The following SVIL variants were observed in gnomAD, a reference collection of about 807,000 sequenced individuals.
SVIL encodes archvillin.
In SVIL, 101 loss-of-function variants were observed where a neutral mutation model predicts 240.4. The ratio of observed to expected loss-of-function variants is 0.42; its 90% confidence interval spans 0.36 to 0.50. The LOEUF is 0.50. SVIL is among the 20% of genes least tolerant of loss of function. The pLI is 0.01. For synonymous variants in SVIL, 999 were observed against 1,100.0 expected (o/e 0.91, Z 1.82); for missense variants, 2,512 against 2,818.7 (o/e 0.89, Z 2.46).
At chr10:29,709,627 C>T (rs1403612231) in intron 1 of SVIL, among the ~76,000 whole-genome samples, 4 of 152,166 alleles carry the variant, frequency 2.6e-5, no homozygotes, top group Non-Finnish European at 5.9e-5. Flanking sequence ...CAGCTTGTGC[C>T]TGCAGCAGCT....
At chr10:29,731,118 T>C (rs754212853) in intron 1 of SVIL, among the ~76,000 whole-genome samples, 16 of 152,242 alleles carry the variant, frequency 1.1e-4, no homozygotes, top group Non-Finnish European at 1.8e-4. Context: ...TGAGCTGACA[T>C]GATTACAACA....
At chr10:29,717,976 T>A (rs1018489623) in intron 1 of SVIL, among the ~76,000 whole-genome samples, 5 of 152,206 alleles carry the variant, frequency 3.3e-5, no homozygotes, top group Non-Finnish European at 5.9e-5. Flanking sequence ...ATTGATTACA[T>A]GTTGAAATAA....
At chr10:29,731,961 C>G (rs905464669) in intron 1 of SVIL, among the ~76,000 whole-genome samples, 1 of 152,264 alleles carries the variant, frequency 6.6e-6, no homozygotes, top group Non-Finnish European at 1.5e-5. Context: ...GCCTGTTCAT[C>G]TTCCGTACAA....
Position 29,588,222 on chromosome 10 carries a change from G to C in SVIL, c.-200-18910C>G, listed in dbSNP as rs1956246564. 2.0e-5 allele frequency among the ~76,000 whole-genome samples: 3 copies of C among 151,784 alleles called. No individual in the cohort carries two copies. The South Asian group carries it at 6.3e-4, about 32-fold the overall frequency. ...ACAGCAAAATTAGGAAGGGGTCAAG[G>C]AGCATGAGATAGCAATACCGTGGAG... On this transcript the variant is annotated intron_variant, in intron 1 of 37. Transcript: ENST00000355867.
chr10:29,728,057 A>T (rs1427820496), intron 1 of SVIL, among the ~76,000 whole-genome samples: 1 of 152,228 alleles, frequency 6.6e-6, no homozygotes, highest in African/African-American at 2.4e-5. Flanking sequence ...ACAGAGGATC[A>T]TAAGTAGAAA....
At chr10:29,505,080 T>C (rs1283630648) in intron 17 of SVIL, among the ~76,000 whole-genome samples, 4 of 152,198 alleles carry the variant, frequency 2.6e-5, no homozygotes, top group Non-Finnish European at 5.9e-5. Flanking sequence ...CCCAACACTC[T>C]GAGAGGCTGA....
Position 29,494,863 on chromosome 10 carries a change from A to G in SVIL, c.3841+51T>C, listed in dbSNP as rs542359637. On this transcript the variant is annotated intron_variant, in intron 20 of 37. Coordinates refer to ENST00000355867, the MANE Select transcript of SVIL (RefSeq NM_021738.3). ...TGGCTGAGGAAGAAAAGCAATCAGA[A>G]TTAGGATTTAGAGATTCTGAGAGCA... The G allele has an allele frequency of 3.3e-5, 51 of 1,561,548 alleles. No homozygotes were observed. In the East Asian group the frequency reaches 1.1e-3, roughly 34 times the overall value.
At chr10:29,534,152 G>T (rs1951576364) in intron 7 of SVIL, among the ~76,000 whole-genome samples, 1 of 152,158 alleles carries the variant, frequency 6.6e-6, no homozygotes, top group South Asian at 2.1e-4. Flanking sequence ...CTAATGAAGT[G>T]AACATTTCCC....
intron 1 of SVIL, among the ~76,000 whole-genome samples, chr10:29,569,896 C>T (rs1449564376): frequency 1.3e-5 from 2 of 152,192 alleles, no homozygotes; most frequent in African/African-American, 4.8e-5. Flanking sequence ...CAATTCTATA[C>T]AGGAAAAACA....
intron 8 of SVIL, 105 bp downstream of exon 8, chr10:29,532,424 A>C: frequency 6.8e-7 from 1 of 1,471,368 alleles, no homozygotes; most frequent in Non-Finnish European, 9.0e-7. Flanking sequence ...CTTGTGAGCT[A>C]AGCTAATATG....
At chr10:29,639,550 C>G (rs568399048), upstream of SVIL, among the ~76,000 whole-genome samples, 32 of 149,934 alleles carry the variant, frequency 2.1e-4, no homozygotes, top group Middle Eastern at 3.4e-3. Context: ...CTCACTGCAA[C>G]CTTCACCTCC....
chr10:29,721,454 A>C (rs1050516887), intron 1 of SVIL, among the ~76,000 whole-genome samples: 4 of 152,102 alleles, frequency 2.6e-5, no homozygotes, highest in Non-Finnish European at 5.9e-5. Context: ...ACAACTGTAT[A>C]CTGCCTACAA....
chr10:29,580,286 T>G (rs1955883557), intron 1 of SVIL, among the ~76,000 whole-genome samples: 1 of 152,150 alleles, frequency 6.6e-6, no homozygotes, highest in South Asian at 2.1e-4. Flanking sequence ...AGGCCAAGGC[T>G]GCAGTGAGCT....
chr10:29,532,653 C>T lies in SVIL; in HGVS notation c.1714G>A (p.Glu572Lys). The T allele has an allele frequency of 1.9e-6, 3 of 1,614,184 alleles. No homozygotes were observed. Among genetic ancestry groups the T allele is most frequent in the Non-Finnish European group, 2.5e-6 (3 of 1,180,044 alleles). The change falls in exon 8 of 38, where the codon GAG becomes AAG. Residue 572 changes from glutamate (E) to lysine (K), a missense_variant. Around this residue, in one of 3 missense-constraint regions of SVIL, gnomAD observed 1,443 missense variants for 1,486.6 expected, o/e 0.97. Transcript: ENST00000355867. ...CCTTCGGTCTTGGAGCTGGGCAGCT[C>T]CAGCTCTCTCCTGGAAGCTGGGTCC... Reference protein sequence around the residue: ...YKDPASRRELELPSSKTEGPY... With the variant: ...YKDPASRRELKLPSSKTEGPY...
At chr10:29,544,898 G>A in intron 6 of SVIL, 2 of 460,278 alleles carry the variant, frequency 4.3e-6, no homozygotes, top group Non-Finnish European at 9.0e-6. Flanking sequence ...CAGGTGTTTG[G>A]GGGTACAGGG....
At chr10:29,644,021 T>A (rs1958576979) in intron 3 of SVIL, 1 of 518,380 alleles carries the variant, frequency 1.9e-6, no homozygotes, top group South Asian at 1.4e-5. Flanking sequence ...GTCTTGAGAG[T>A]AATCAGAGAT....
At chr10:29,711,998 T>C (rs1413145952) in intron 1 of SVIL, 1 of 152,022 alleles carries the variant, frequency 6.6e-6, no homozygotes, top group East Asian at 1.9e-4. Context: ...CATGACGTGT[T>C]CAATATTTTT....
intron 2 of SVIL, among the ~76,000 whole-genome samples, chr10:29,663,249 A>G (rs1959178872): frequency 6.6e-6 from 1 of 152,258 alleles, no homozygotes; most frequent in Admixed American, 6.5e-5. Context: ...CAGTATCTAT[A>G]GAATGGTGAA....
At chr10:29,652,739 G>A (rs1159628356) in intron 3 of SVIL, among the ~76,000 whole-genome samples, 1 of 152,082 alleles carries the variant, frequency 6.6e-6, no homozygotes, top group East Asian at 1.9e-4. Context: ...CGTCTTTGTG[G>A]GTATGAAGTG....
Sources: allele counts gnomAD v4.1 joint callset (sites outside exome capture counted in the v4.1 genomes callset), GRCh38; gene constraint gnomAD v4.1.1; regional missense constraint gnomAD v4.1.1; transcripts MANE v1.5; gene names NCBI Gene and HGNC (gene_info 2026-07-23, HGNC 2026-07-21).